The following SNTG1 variants were observed in gnomAD, a reference collection of about 807,000 sequenced individuals.
SNTG1 encodes gamma-1-syntrophin.
A neutral mutation model predicts 74.7 loss-of-function variants in SNTG1; 39 were observed. The ratio of observed to expected loss-of-function variants is 0.52; its 90% CI spans 0.40 to 0.68. The LOEUF (loss-of-function observed/expected upper bound fraction) is 0.68, where lower values mean the gene tolerates loss of function less well. Among genes scored for constraint, SNTG1 ranks in the 30% least tolerant of loss-of-function variants. The pLI is 0.00. For missense variants in SNTG1, 685 were observed against 609.5 expected (o/e 1.12, Z -1.30); for synonymous variants, 254 against 217.1 (o/e 1.17, Z -1.49).
chr8:50,580,140 C>T, intron 12 of SNTG1, among the ~76,000 whole-genome samples: 1 of 152,374 alleles, frequency 6.6e-6, no homozygotes, highest in Non-Finnish European at 1.5e-5. Flanking sequence ...CAAAGGAGAT[C>T]ATTTTCGAAC....
At chr8:50,304,087 G>A (rs1480297188) in intron 2 of SNTG1, among the ~76,000 whole-genome samples, 2 of 152,090 alleles carry the variant, frequency 1.3e-5, no homozygotes, top group Non-Finnish European at 1.5e-5. Context: ...ATTAAGAGGT[G>A]GGGCCTTTAA....
chr8:49,940,976 T>G (rs766874475), intron 1 of SNTG1, among the ~76,000 whole-genome samples: 1 of 152,152 alleles, frequency 6.6e-6, no homozygotes, highest in Non-Finnish European at 1.5e-5. Flanking sequence ...GGAGCAACGT[T>G]TAAGGCACTG....
intron 17 of SNTG1, among the ~76,000 whole-genome samples, chr8:50,709,826 A>G (rs1409645757): frequency 6.6e-6 from 1 of 152,158 alleles, no homozygotes; most frequent in East Asian, 1.9e-4. Context: ...CTCCTTCATC[A>G]AAGTATGGCT....
At chr8:50,475,195 TGTGC>T (rs2093687071) in intron 8 of SNTG1, among the ~76,000 whole-genome samples, 3 of 151,656 alleles carry the variant, frequency 2.0e-5, no homozygotes, top group African/African-American at 7.3e-5. Flanking sequence ...ACCTGCACGT[TGTGC>T]ATATGTACCC....
chr8:50,000,244 A>AT (rs1174469743), intron 1 of SNTG1, among the ~76,000 whole-genome samples: 1 of 151,978 alleles, frequency 6.6e-6, no homozygotes, highest in Non-Finnish European at 1.5e-5. Context: ...GGCTTTTAAT[A>AT]TCCATAGCAA....
intron 4 of SNTG1, among the ~76,000 whole-genome samples, chr8:50,431,316 G>C (rs2093233097): frequency 6.6e-6 from 1 of 152,168 alleles, no homozygotes; most frequent in Non-Finnish European, 1.5e-5. Context: ...TCTGATAGGA[G>C]ATATTGATAA....
At chr8:50,525,279 T>G (rs1230079359) in intron 9 of SNTG1, among the ~76,000 whole-genome samples, 1 of 152,152 alleles carries the variant, frequency 6.6e-6, no homozygotes, top group Non-Finnish European at 1.5e-5. Flanking sequence ...CAAAATTGCA[T>G]TTTTTTCTTG....
intron 3 of SNTG1, among the ~76,000 whole-genome samples, chr8:50,401,395 AT>A (rs2092803898): frequency 6.6e-6 from 1 of 152,190 alleles, no homozygotes; most frequent in South Asian, 2.1e-4. Flanking sequence ...TTCTTTGGTG[AT>A]TACTAAGATA....
intron 13 of SNTG1, among the ~76,000 whole-genome samples, chr8:50,628,956 C>G (rs1055259634): frequency 2.6e-5 from 4 of 152,116 alleles, no homozygotes; most frequent in Non-Finnish European, 5.9e-5. Flanking sequence ...AATCCATGGT[C>G]TGATTTTTTT....
chr8:50,724,321 T>A (rs1475717348), intron 17 of SNTG1, among the ~76,000 whole-genome samples: 1 of 152,148 alleles, frequency 6.6e-6, no homozygotes, highest in Non-Finnish European at 1.5e-5. Context: ...GTCGGAGACA[T>A]ATTTAAATGT....
intron 12 of SNTG1, among the ~76,000 whole-genome samples, chr8:50,561,523 T>C (rs576081667): frequency 1.6e-4 from 25 of 152,320 alleles, no homozygotes; most frequent in African/African-American, 5.5e-4. Flanking sequence ...TTACTAAATA[T>C]AGATATGGTC....
At chr8:50,755,177 G>T (rs942424398) in intron 18 of SNTG1, among the ~76,000 whole-genome samples, 3 of 151,678 alleles carry the variant, frequency 2.0e-5, no homozygotes, top group Non-Finnish European at 4.4e-5. Context: ...TATGGGTTTT[G>T]ATATATATAG....
intron 8 of SNTG1, among the ~76,000 whole-genome samples, chr8:50,488,522 C>T (rs371685635): frequency 1.6e-4 from 25 of 152,278 alleles, no homozygotes; most frequent in African/African-American, 6.0e-4. Flanking sequence ...TCTGCTCTTG[C>T]TTGTCTGCTC....
chr8:50,138,387 G>T (rs958918612), intron 1 of SNTG1, among the ~76,000 whole-genome samples: 1 of 151,942 alleles, frequency 6.6e-6, no homozygotes, highest in African/African-American at 2.4e-5. Context: ...GGAGGCCGAG[G>T]TGGGTGGGTC....
At chr8:50,496,116 C>T (rs894291131) in intron 8 of SNTG1, among the ~76,000 whole-genome samples, 1 of 152,080 alleles carries the variant, frequency 6.6e-6, no homozygotes, top group Non-Finnish European at 1.5e-5. Flanking sequence ...CAAAATCAAC[C>T]CTCAAAGTCA....
At chr8:50,773,964 A>T (rs570376928) in intron 18 of SNTG1, among the ~76,000 whole-genome samples, 1 of 152,226 alleles carries the variant, frequency 6.6e-6, no homozygotes, top group African/African-American at 2.4e-5. Flanking sequence ...CTGAAATTTT[A>T]AAAATTCTGA....
chr8:50,089,292 C>T (rs1212980838), intron 1 of SNTG1, among the ~76,000 whole-genome samples: 1 of 151,930 alleles, frequency 6.6e-6, no homozygotes, highest in Non-Finnish European at 1.5e-5. Context: ...AGACCTAAAA[C>T]CATAAAAACC....
chr8:50,778,013 C>A (rs2095646292), intron 18 of SNTG1, among the ~76,000 whole-genome samples: 1 of 152,074 alleles, frequency 6.6e-6, no homozygotes, highest in African/African-American at 2.4e-5. Flanking sequence ...TCATCCATGT[C>A]CCTACAAAGG....
intron 3 of SNTG1, among the ~76,000 whole-genome samples, chr8:50,398,558 TGAA>T (rs2092758864): frequency 6.6e-6 from 1 of 152,250 alleles, no homozygotes; most frequent in Non-Finnish European, 1.5e-5. Flanking sequence ...CCTTCCCTCA[TGAA>T]TATTAAATTC....
Sources: gnomAD v4.1 joint callset for allele counts (sites outside exome capture counted in the v4.1 genomes callset) on GRCh38, gnomAD v4.1.1 for gene constraint, MANE v1.5 for transcripts, NCBI Gene and HGNC (gene_info 2026-07-23, HGNC 2026-07-21) for gene names.